CCDC73: variants seen among roughly 807,000 people sequenced by gnomAD.
The protein encoded by CCDC73 is coiled-coil domain-containing protein 73.
In CCDC73, 95 loss-of-function variants were observed where a neutral mutation model predicts 116.5. That is an observed-to-expected ratio of 0.82 (90% CI 0.69 to 0.97). The LOEUF is 0.97. Ranked by LOEUF, CCDC73 falls within the 50% of genes least tolerant of loss-of-function variation. The pLI, the probability that CCDC73 is intolerant of heterozygous loss-of-function variation, is 0.00. For missense variants in CCDC73, 1,066 were observed against 1,206.8 expected, an observed-to-expected ratio of 0.88 and a Z score of 1.73; for synonymous variants, 398 against 401.3, an observed-to-expected ratio of 0.99 and a Z score of 0.10.
intron 6 of CCDC73, among the ~76,000 whole-genome samples, chr11:32,683,807 G>A (rs185349858): frequency 1.3e-4 from 20 of 152,236 alleles, no homozygotes; most frequent in Admixed American, 1.3e-3. Flanking sequence ...CTTTCTAGTG[G>A]GGGTGGTGAT....
chr11:32,718,240 C>T, intron 2 of CCDC73, 93 bp from the exon 3 acceptor site: 1 of 753,028 alleles, frequency 1.3e-6, no homozygotes, highest in Non-Finnish European at 2.1e-6. Flanking sequence ...AAATAGCATA[C>T]TCCCACCTTT....
chr11:32,736,906 T>C (rs182541898), intron 2 of CCDC73, among the ~76,000 whole-genome samples: 237 of 150,310 alleles, frequency 1.6e-3, no homozygotes, highest in African/African-American at 5.5e-3. Flanking sequence ...CAAACTATCA[T>C]AAGGACAAAA....
In CCDC73 at chr11:32,705,825, T is replaced by C. The variant is rs186735860; in HGVS notation, c.208-2881A>G. On this transcript the variant is annotated intron_variant, in intron 3 of 17. Coordinates refer to ENST00000335185, the MANE Select transcript of CCDC73 (RefSeq NM_001008391.4). Reference sequence around the variant, plus strand: ...AGAGTTATATCAAAATTGGCTTAAATTGATAGTCAGCATTTACACTGTTAT... The same window carrying C: ...AGAGTTATATCAAAATTGGCTTAAACTGATAGTCAGCATTTACACTGTTAT... 2.1e-4 allele frequency among the ~76,000 whole-genome samples: 32 copies of C among 152,330 alleles called. No individual in the cohort carries two copies. In the East Asian group the frequency reaches 4.6e-3, roughly 22 times the overall value.
chr11:32,671,949 A>G (rs908294876), intron 9 of CCDC73, among the ~76,000 whole-genome samples: 3 of 152,306 alleles, frequency 2.0e-5, no homozygotes, highest in African/African-American at 7.2e-5. Context: ...TCACGCATAG[A>G]AAGACATTCT....
chr11:32,730,983 C>T (rs1399271302), intron 2 of CCDC73, among the ~76,000 whole-genome samples: 1 of 152,222 alleles, frequency 6.6e-6, no homozygotes, highest in Non-Finnish European at 1.5e-5. Flanking sequence ...GGCATCATCT[C>T]ACCCGGGAAG....
At chr11:32,626,557 C>T (rs751223968) in intron 14 of CCDC73, among the ~76,000 whole-genome samples, 41 of 152,218 alleles carry the variant, frequency 2.7e-4, no homozygotes, top group South Asian at 4.2e-4. Flanking sequence ...GGAGGCATCA[C>T]GCTACCTGAC....
intron 1 of CCDC73, among the ~76,000 whole-genome samples, chr11:32,777,826 AAAG>A (rs1458173992): frequency 2.0e-5 from 3 of 152,158 alleles, no homozygotes; most frequent in Non-Finnish European, 4.4e-5. Context: ...TTTTATTAAT[AAAG>A]AAGGCTAAAA....
intron 2 of CCDC73, among the ~76,000 whole-genome samples, chr11:32,728,423 T>C (rs1476867753): frequency 1.3e-5 from 2 of 152,210 alleles, no homozygotes; most frequent in Non-Finnish European, 2.9e-5. Flanking sequence ...CCTTTTGACA[T>C]TACGTTAAGT....
intron 7 of CCDC73, among the ~76,000 whole-genome samples, chr11:32,677,080 AT>A (rs1009547071): frequency 3.9e-5 from 6 of 152,038 alleles, no homozygotes; most frequent in Non-Finnish European, 5.9e-5. Flanking sequence ...ACTTTCATTC[AT>A]TTTTTTTCCC....
At position 32,744,534 on chromosome 11, in the gene CCDC73, G is replaced by A. The variant is rs75463943; in HGVS notation, c.135+15575C>T. Among the ~76,000 whole-genome samples, 940 of 152,268 alleles carry A rather than the reference G, an allele frequency of 6.2e-3. 12 individuals carry two copies. Among genetic ancestry groups the A allele is most frequent in the African/African-American group, 0.022 (897 of 41,548 alleles). The stretch of plus-strand genomic sequence containing the variant: ...TAGAATTCGGCTGTGAATCCGTCTG[G>A]TCCTGGACTTTCTTTGGTTGGTAGT... On this transcript the variant is annotated intron_variant, in intron 2 of 17. Transcript: ENST00000335185.
chr11:32,609,018 A>C (rs972558355), intron 17 of CCDC73, among the ~76,000 whole-genome samples: 1 of 151,932 alleles, frequency 6.6e-6, no homozygotes, highest in African/African-American at 2.4e-5. Flanking sequence ...TTTTTTCCTC[A>C]TAGGCTTCTG....
At chr11:32,770,182 T>A (rs1347690297) in intron 1 of CCDC73, among the ~76,000 whole-genome samples, 2 of 152,190 alleles carry the variant, frequency 1.3e-5, no homozygotes, top group African/African-American at 4.8e-5. Flanking sequence ...AACTTATGGG[T>A]CTCTTTCTTC....
intron 13 of CCDC73, among the ~76,000 whole-genome samples, chr11:32,637,623 C>A (rs1420416539): frequency 6.6e-6 from 1 of 151,402 alleles, no homozygotes; most frequent in African/African-American, 2.4e-5. Context: ...CATACACATA[C>A]ACACACCCCT....
chr11:32,699,782 T>C (rs1849792528), intron 5 of CCDC73, among the ~76,000 whole-genome samples: 2 of 151,914 alleles, frequency 1.3e-5, no homozygotes, highest in South Asian at 4.1e-4. Flanking sequence ...CTAATGTTAA[T>C]GACGAGTTAA....
At chr11:32,815,405 A>C in the CCDC73 span, among the ~76,000 whole-genome samples, 1 of 151,580 alleles carries the variant, frequency 6.6e-6, no homozygotes, top group Non-Finnish European at 1.5e-5. Context: ...CACAGTCATA[A>C]CTCATTGTAA....
At chr11:32,830,288 C>A in the CCDC73 span, 1 of 868,078 alleles carries the variant, frequency 1.2e-6, no homozygotes, top group Non-Finnish European at 1.5e-6. Context: ...CGACAGGTGC[C>A]CGATCAGCCC....
At chr11:32,650,688 C>T (rs1855818463) in intron 12 of CCDC73, among the ~76,000 whole-genome samples, 1 of 152,126 alleles carries the variant, frequency 6.6e-6, no homozygotes, top group African/African-American at 2.4e-5. Context: ...GATACCACCT[C>T]TCCCTCCCTC....
chr11:32,653,556 T>C (rs1392462981), intron 11 of CCDC73, among the ~76,000 whole-genome samples: 1 of 152,148 alleles, frequency 6.6e-6, no homozygotes, highest in African/African-American at 2.4e-5. Context: ...TGAGGTATAA[T>C]ATTATAAAAT....
intron 2 of CCDC73, among the ~76,000 whole-genome samples, chr11:32,741,148 C>T (rs1266039133): frequency 3.9e-5 from 6 of 152,146 alleles, no homozygotes; most frequent in Non-Finnish European, 7.4e-5. Flanking sequence ...TATTCTGCAG[C>T]TATTGGATGA....
Sources: allele counts gnomAD v4.1 joint callset (sites outside exome capture counted in the v4.1 genomes callset), GRCh38; gene constraint gnomAD v4.1.1; transcripts MANE v1.5; gene names NCBI Gene and HGNC (gene_info 2026-07-23, HGNC 2026-07-21).